AIDA: variants seen among roughly 807,000 people sequenced by gnomAD.
The protein encoded by AIDA is axin interactor, dorsalization-associated protein.
A neutral mutation model predicts 42.7 loss-of-function variants in AIDA; 18 were observed. The observed-to-expected ratio is 0.42, with a 90% CI of 0.29 to 0.63. The LOEUF (loss-of-function observed/expected upper bound fraction) is 0.63, where lower values mean the gene tolerates loss of function less well. AIDA is among the 20% of genes least tolerant of loss of function. AIDA has a pLI of 0.19. For missense variants in AIDA, 250 were observed against 354.1 expected (o/e 0.71, Z 2.36); for synonymous variants, 104 against 122.9 (o/e 0.85, Z 1.02).
rs1167212071 is a variant in AIDA, at chr1:222,676,081, AAC to A, written c.583+13_583+14del. 2.6e-6 allele frequency: 4 copies of A among 1,535,008 alleles called. No homozygotes were observed. The highest frequency in any genetic ancestry group is 1.4e-5 in the African/African-American group (1 of 70,422). ...AAATTCACCTGAGAAAAAAAAAGTA[AAC>A]AGAGTCACTTACCCTTTACACTAAC... On this transcript the variant is annotated intron_variant, in intron 7 of 9. Transcript: ENST00000340020.
At chr1:222,676,029 CTG>C in intron 7 of AIDA, 65 bp downstream of exon 7, 6 of 1,482,272 alleles carry the variant, frequency 4.0e-6, no homozygotes, top group Non-Finnish European at 3.6e-6. Context: ...CAAAATAAAA[CTG>C]TCCCAAATGA....
chr1:222,683,114 A>G (rs1485794577), intron 6 of AIDA, among the ~76,000 whole-genome samples: 2 of 152,224 alleles, frequency 1.3e-5, no homozygotes, highest in Non-Finnish European at 2.9e-5. Context: ...AATTATCTTA[A>G]AAGTTTGACA....
intron 7 of AIDA, among the ~76,000 whole-genome samples, chr1:222,675,712 G>C (rs1664531580): frequency 6.6e-6 from 1 of 152,192 alleles, no homozygotes; most frequent in Non-Finnish European, 1.5e-5. Flanking sequence ...TCGGGAAACA[G>C]AACACTGGGC....
intron 2 of AIDA, among the ~76,000 whole-genome samples, chr1:222,701,357 T>A (rs1650643280): frequency 6.6e-6 from 1 of 152,228 alleles, no homozygotes; most frequent in African/African-American, 2.4e-5. Flanking sequence ...CTCAGCAATA[T>A]ATGTTGGAAA....
chr1:222,671,474 A>G (rs2124946829), intron 8 of AIDA, among the ~76,000 whole-genome samples: 1 of 152,350 alleles, frequency 6.6e-6, no homozygotes, highest in East Asian at 1.9e-4. Context: ...TGCAAAGACA[A>G]CATACATTTA....
rs1044314101 is a variant in AIDA at position 222,696,243 on chromosome 1, T to C, written c.181-1980A>G. ...TTCACTCTCTCAAACAACTGTTGCATAGAAACCAGCAAATAGTCTTTTCTA... is the reference window on the plus strand; with the variant it reads ...TTCACTCTCTCAAACAACTGTTGCACAGAAACCAGCAAATAGTCTTTTCTA... On this transcript the variant is annotated intron_variant, in intron 2 of 9. Coordinates refer to ENST00000340020, the MANE Select transcript of AIDA (RefSeq NM_022831.4). Among the ~76,000 whole-genome samples the C allele has an allele frequency of 4.6e-5, 7 of 152,262 alleles. 1 individual carries two copies. The highest frequency in any genetic ancestry group is 4.1e-4 in the South Asian group (2 of 4,834).
At chr1:222,682,558 T>G (rs1402740969) in intron 6 of AIDA, among the ~76,000 whole-genome samples, 1 of 152,092 alleles carries the variant, frequency 6.6e-6, no homozygotes, top group Non-Finnish European at 1.5e-5. Flanking sequence ...AAATGCAAAC[T>G]CAACATTATC....
intron 4 of AIDA, 139 bp from the exon 5 acceptor site, chr1:222,687,797 T>C: frequency 1.6e-6 from 1 of 623,820 alleles, no homozygotes; most frequent in South Asian, 2.6e-5. Flanking sequence ...ATTTGAGAGC[T>C]ACACAGTACA....
In AIDA at chr1:222,712,016, C is replaced by A. The variant is rs984354490; in HGVS notation, c.110+192G>T. The A allele has an allele frequency of 4.7e-5, 35 of 748,142 alleles. No homozygotes were observed. The African/African-American group carries it at 5.8e-4, about 12-fold the overall frequency. 46.3% of individuals were successfully genotyped at this position (748,142 alleles called of 1,614,324 possible). On this transcript the variant is annotated intron_variant, in intron 1 of 9. Coordinates refer to ENST00000340020, the MANE Select transcript of AIDA (RefSeq NM_022831.4). ...CGGAGAGGGAAGAAGGCGAGTCACC[C>A]CAGAGAGCGGAGCCGTTGTCCCTAG... is the stretch of plus-strand genomic sequence containing the variant.
intron 7 of AIDA, 69 bp downstream of exon 7, chr1:222,676,027 A>T: frequency 6.7e-7 from 1 of 1,483,920 alleles, no homozygotes; most frequent in Non-Finnish European, 9.0e-7. Flanking sequence ...ACCAAAATAA[A>T]ACTGTCCCAA....
chr1:222,695,239 C>T (rs1655485082), intron 2 of AIDA, among the ~76,000 whole-genome samples: 1 of 152,214 alleles, frequency 6.6e-6, no homozygotes, highest in South Asian at 2.1e-4. Context: ...CGCCTGTAAT[C>T]CCAGCACTTT....
chr1:222,686,931 G>A lies in AIDA; in HGVS notation c.459C>T (p.Pro153=), dbSNP rs756351013. ...TTATTTTTAATAAGTGATACCTACC[G>A]GGAACTCTAGCAGGAAAAGAATCAG... The part of the protein sequence containing the change: ...GSPDSFPARV[P]GTLLPRLPSE... The change falls in exon 6 of 10, where the codon CCC becomes CCT. Residue 153 remains proline, a splice_region_variant and synonymous_variant. Coordinates refer to ENST00000340020, the MANE Select transcript of AIDA (RefSeq NM_022831.4). 46 of 1,612,884 alleles carry A rather than the reference G, an allele frequency of 2.9e-5. No individual in the cohort carries two copies. The highest frequency in any genetic ancestry group is 2.5e-4 in the East Asian group (11 of 44,884).
At chr1:222,680,558 C>CA (rs1161333169) in intron 6 of AIDA, among the ~76,000 whole-genome samples, 1 of 151,948 alleles carries the variant, frequency 6.6e-6, no homozygotes, top group African/African-American at 2.4e-5. Flanking sequence ...CTGGGAAAAA[C>CA]AAAAAAGTCC....
At chr1:222,696,637 C>A (rs1189889564) in intron 2 of AIDA, among the ~76,000 whole-genome samples, 1 of 152,170 alleles carries the variant, frequency 6.6e-6, no homozygotes, top group Non-Finnish European at 1.5e-5. Flanking sequence ...ACCAGCAATG[C>A]CTTCTATGCA....
intron 2 of AIDA, among the ~76,000 whole-genome samples, chr1:222,699,329 A>C (rs1346183406): frequency 6.6e-6 from 1 of 152,210 alleles, no homozygotes. Context: ...CTTTTGAAGA[A>C]AACACAATTG....
intron 2 of AIDA, among the ~76,000 whole-genome samples, chr1:222,695,522 A>G (rs1430592280): frequency 2.0e-5 from 3 of 152,180 alleles, no homozygotes; most frequent in Admixed American, 6.5e-5. Flanking sequence ...TGATAAAAGT[A>G]TACATAGGTT....
rs535006038 is a variant in AIDA, at chr1:222,699,596, A to T, written c.180+3552T>A. Among the ~76,000 whole-genome samples, 11 of 152,274 alleles carry T rather than the reference A, an allele frequency of 7.2e-5. No individual in the cohort carries two copies. In the East Asian group the frequency reaches 2.1e-3, roughly 29 times the overall value. On this transcript the variant is annotated intron_variant, in intron 2 of 9. Transcript: ENST00000340020. ...TCTATCTGTTCAAATAACATCTATT[A>T]ATTTTTCAGAACCAATGTTCCCCAG... is the stretch of plus-strand genomic sequence containing the variant.
chr1:222,712,158 A>G, intron 1 of AIDA, 50 bp downstream of exon 1: 1 of 1,552,886 alleles, frequency 6.4e-7, no homozygotes, highest in Non-Finnish European at 8.7e-7. Flanking sequence ...AACAAGGGAG[A>G]GGCGCACGAC....
chr1:222,699,469 A>C (rs1655621799), intron 2 of AIDA, among the ~76,000 whole-genome samples: 1 of 152,244 alleles, frequency 6.6e-6, no homozygotes, highest in South Asian at 2.1e-4. Flanking sequence ...AGGGAGACGG[A>C]GACTTCCAAA....
Sources: gnomAD v4.1 joint callset for allele counts (sites outside exome capture counted in the v4.1 genomes callset) on GRCh38, gnomAD v4.1.1 for gene constraint, MANE v1.5 for transcripts, NCBI Gene and HGNC (gene_info 2026-07-23, HGNC 2026-07-21) for gene names.